Variants in RNF144A observed in about 807,000 individuals in gnomAD.
RNF144A encodes the protein ring finger protein 144A.
Under a neutral mutation model 38.7 loss-of-function variants are expected in RNF144A, and 11 were observed. The observed-to-expected ratio is 0.28, with a 90% CI of 0.18 to 0.47. RNF144A has a LOEUF of 0.47. Among genes scored for constraint, RNF144A ranks in the 20% least tolerant of loss-of-function variants. RNF144A has a pLI of 0.99. For missense variants in RNF144A, 316 were observed against 377.2 expected (o/e 0.84, Z 1.34); for synonymous variants, 149 against 143.9 (o/e 1.04, Z -0.25).
At chr2:6,972,042 C>T (rs1668028586) in intron 2 of RNF144A, among the ~76,000 whole-genome samples, 1 of 152,152 alleles carries the variant, frequency 6.6e-6, no homozygotes, top group African/African-American at 2.4e-5. Flanking sequence ...GGAGGAATTA[C>T]TGTCTCCCCC....
chr2:6,967,185 A>G (rs1268836331), intron 2 of RNF144A, among the ~76,000 whole-genome samples: 1 of 152,148 alleles, frequency 6.6e-6, no homozygotes, highest in African/African-American at 2.4e-5. Flanking sequence ...ATCAGTTCGT[A>G]CATGTGTGAT....
rs1156541246 is a variant in RNF144A, at chr2:6,997,030, T to C, written c.104T>C (p.Ile35Thr). 1.9e-6 allele frequency: 3 copies of C among 1,614,194 alleles called. No individual in the cohort carries two copies. The highest frequency in any genetic ancestry group is 2.5e-6 in the Non-Finnish European group (3 of 1,180,002). Residue 35 changes from isoleucine (I) to threonine (T), a missense_variant, in exon 3 of 9, where the codon ATA becomes ACA. Coordinates refer to ENST00000320892, the MANE Select transcript of RNF144A (RefSeq NM_014746.6). ...TACCCAGTGGAGCAGATGACAACCA[T>C]AGCCCAGTGCCAATGCATCTTCTGT... ...GEYPVEQMTT[I>T]AQCQCIFCTL...
intron 3 of RNF144A, among the ~76,000 whole-genome samples, chr2:7,004,144 C>T (rs976635038): frequency 6.6e-6 from 1 of 152,246 alleles, no homozygotes; most frequent in African/African-American, 2.4e-5. Context: ...TGCGTGTGCA[C>T]TCAGATTCTT....
At chr2:6,946,123 A>G (rs1307552184) in intron 2 of RNF144A, among the ~76,000 whole-genome samples, 1 of 152,358 alleles carries the variant, frequency 6.6e-6, no homozygotes, top group South Asian at 2.1e-4. Context: ...CTTAACAAAA[A>G]CAAATGTATT....
chr2:7,003,622 T>C (rs1432369577), intron 3 of RNF144A, among the ~76,000 whole-genome samples: 1 of 152,228 alleles, frequency 6.6e-6, no homozygotes, highest in Admixed American at 6.5e-5. Flanking sequence ...TGTTACTACA[T>C]TCTATAATGT....
downstream of RNF144A, among the ~76,000 whole-genome samples, chr2:7,047,704 G>A (rs1558463345): frequency 6.6e-6 from 1 of 152,218 alleles, no homozygotes; most frequent in Non-Finnish European, 1.5e-5. Flanking sequence ...TGGAGGTGTA[G>A]ACAGTCCAGA....
chr2:7,038,878 A>C (rs1231657677), intron 8 of RNF144A, among the ~76,000 whole-genome samples: 1 of 151,278 alleles, frequency 6.6e-6, no homozygotes, highest in Non-Finnish European at 1.5e-5. Flanking sequence ...GGATGGATGC[A>C]TGGATGATGG....
downstream of RNF144A, among the ~76,000 whole-genome samples, chr2:7,069,364 C>T (rs1348515036): frequency 6.6e-6 from 1 of 152,220 alleles, no homozygotes; most frequent in Non-Finnish European, 1.5e-5. Flanking sequence ...AGCTTGAGCA[C>T]CAGAGGGCTA....
At chr2:6,918,953 G>A (rs539421436) in intron 1 of RNF144A, among the ~76,000 whole-genome samples, 15 of 152,214 alleles carry the variant, frequency 9.9e-5, no homozygotes, top group African/African-American at 2.9e-4. Flanking sequence ...AACACTTCCC[G>A]TAATGGGGCC....
At chr2:6,964,982 A>C in intron 2 of RNF144A, among the ~76,000 whole-genome samples, 1 of 150,984 alleles carries the variant, frequency 6.6e-6, no homozygotes, top group East Asian at 1.9e-4. Flanking sequence ...AATAAAAATA[A>C]AAAAAAGAGG....
At chr2:6,976,298 G>C (rs1044939341) in intron 2 of RNF144A, among the ~76,000 whole-genome samples, 6 of 152,204 alleles carry the variant, frequency 3.9e-5, no homozygotes, top group Non-Finnish European at 5.9e-5. Flanking sequence ...TTGCCAACTT[G>C]ATAGTTGGGG....
chr2:6,948,732 C>A (rs76922645), intron 2 of RNF144A, among the ~76,000 whole-genome samples: 3,030 of 152,288 alleles, frequency 0.02, 98 homozygotes, highest in African/African-American at 0.07. Flanking sequence ...GATTGCAAGA[C>A]CCTCCAGGAT....
At chr2:7,045,433 T>A (rs1002408542), downstream of RNF144A, among the ~76,000 whole-genome samples, 2 of 152,146 alleles carry the variant, frequency 1.3e-5, no homozygotes, top group African/African-American at 4.8e-5. Context: ...GATGCCCGTG[T>A]TGCTCTGCAA....
intron 6 of RNF144A, among the ~76,000 whole-genome samples, chr2:7,022,064 G>A (rs566757934): frequency 6.6e-6 from 1 of 152,246 alleles, no homozygotes; most frequent in Non-Finnish European, 1.5e-5. Flanking sequence ...CTCCGAGGCT[G>A]CCTCCCCATG....
downstream of RNF144A, among the ~76,000 whole-genome samples, chr2:7,071,532 C>T (rs1674481881): frequency 6.6e-6 from 1 of 152,208 alleles, no homozygotes; most frequent in East Asian, 1.9e-4. Flanking sequence ...CTCAATTTCT[C>T]AATTCCAGTT....
downstream of RNF144A, among the ~76,000 whole-genome samples, chr2:7,046,604 C>A (rs933856336): frequency 6.6e-6 from 1 of 152,160 alleles, no homozygotes; most frequent in African/African-American, 2.4e-5. Context: ...GGATGAGGCT[C>A]CCAACAAGGG....
At chr2:7,056,096 A>G in intron 6 of RNF144A, among the ~76,000 whole-genome samples, 1 of 152,164 alleles carries the variant, frequency 6.6e-6, no homozygotes, top group South Asian at 2.1e-4. Context: ...TGATTTTAGC[A>G]TTAGAGTTAA....
intron 6 of RNF144A, among the ~76,000 whole-genome samples, chr2:7,058,908 C>T (rs1673846454): frequency 1.3e-5 from 2 of 152,080 alleles, no homozygotes; most frequent in South Asian, 4.1e-4. Flanking sequence ...CTCCCCTTCT[C>T]CTGCATCACC....
intron 8 of RNF144A, among the ~76,000 whole-genome samples, chr2:7,036,392 T>C (rs1672677631): frequency 6.6e-6 from 1 of 152,222 alleles, no homozygotes; most frequent in South Asian, 2.1e-4. Flanking sequence ...TGATCTTCTG[T>C]ATTCACATGC....
Sources: allele counts gnomAD v4.1 joint callset (sites outside exome capture counted in the v4.1 genomes callset), GRCh38; gene constraint gnomAD v4.1.1; transcripts MANE v1.5; gene names NCBI Gene and HGNC (gene_info 2026-07-23, HGNC 2026-07-21).